The following IL19 variants were observed in gnomAD, a reference collection of about 807,000 sequenced individuals.
IL19 encodes interleukin-19.
IL19 carries 15 observed loss-of-function variants against 19.5 expected under a neutral mutation model. The ratio of observed to expected loss-of-function variants is 0.77; its 90% confidence interval spans 0.52 to 1.19. IL19 has a LOEUF of 1.19. IL19 is among the 50% of genes most tolerant of loss of function. IL19 has a pLI of 0.00. For missense variants in IL19, 199 were observed against 213.1 expected (o/e 0.93, Z 0.41); for synonymous variants, 78 against 78.3 (o/e 1.00, Z 0.02).
Position 206,783,845 on chromosome 1 carries a change from A to G in IL19, c.-149+12767A>G, listed in dbSNP as rs545004063. ...TGAGCCTCCCTGTGCGGCAGTATCT[A>G]TATACAATTGGAGATGATAATTGGT... On this transcript the variant is annotated intron_variant, in intron 1 of 6. Transcript: ENST00000659997. 2.0e-5 allele frequency among the ~76,000 whole-genome samples: 3 copies of G among 152,312 alleles called. No individual in the cohort carries two copies. The South Asian group carries it at 6.2e-4, about 32-fold the overall frequency.
chr1:206,822,741 C>T (rs1021963843), intron 2 of IL19, among the ~76,000 whole-genome samples: 2 of 152,086 alleles, frequency 1.3e-5, no homozygotes, highest in Non-Finnish European at 2.9e-5. Flanking sequence ...GTCTGTGGGG[C>T]CGGGAATATG....
At chr1:206,837,911 G>A (rs1298479366) in intron 4 of IL19, among the ~76,000 whole-genome samples, 1 of 152,150 alleles carries the variant, frequency 6.6e-6, no homozygotes, top group Non-Finnish European at 1.5e-5. Flanking sequence ...ATCCCTGGGA[G>A]GAATTAAAGA....
At chr1:206,776,165 A>G (rs1434258013) in intron 1 of IL19, among the ~76,000 whole-genome samples, 3 of 152,152 alleles carry the variant, frequency 2.0e-5, no homozygotes, top group African/African-American at 7.2e-5. Flanking sequence ...TGGCTTTTAA[A>G]AGAGGGGGTT....
chr1:206,799,171 G>T (rs544314065), intron 2 of IL19, among the ~76,000 whole-genome samples, 165 bp downstream of exon 2: 19 of 152,148 alleles, frequency 1.2e-4, no homozygotes, highest in Non-Finnish European at 2.1e-4. Flanking sequence ...CTGCTGGCCA[G>T]GTTTAGGGGA....
At chr1:206,779,709 T>C (rs1675086550) in intron 1 of IL19, among the ~76,000 whole-genome samples, 1 of 152,132 alleles carries the variant, frequency 6.6e-6, no homozygotes, top group Non-Finnish European at 1.5e-5. Flanking sequence ...TATTCTAATG[T>C]TTTCTATAAC....
rs1572551627 is a variant in IL19, at chr1:206,794,527, G to A, written c.-148-4334G>A. On this transcript the variant is annotated intron_variant, in intron 1 of 6. Coordinates refer to ENST00000659997, the MANE Select transcript of IL19 (RefSeq NM_153758.5). ...GAGCTCTTATACTATGGTTGGCCCC[G>A]GGTCCTCCTGTTGGGTCCTCCCTAC... Among the ~76,000 whole-genome samples, 3 of 152,208 alleles carry A rather than the reference G, an allele frequency of 2.0e-5. No homozygotes were observed. In the East Asian group the frequency reaches 5.8e-4, roughly 29 times the overall value.
intron 2 of IL19, among the ~76,000 whole-genome samples, chr1:206,808,262 C>T (rs1449950637): frequency 3.3e-5 from 5 of 152,198 alleles, no homozygotes; most frequent in South Asian, 2.1e-4. Context: ...ACCCTGAAGG[C>T]GGAGTTGCGG....
rs556920256 is a variant in IL19 at position 206,798,085 on chromosome 1, C to T, written c.-148-776C>T. 3.2e-4 allele frequency among the ~76,000 whole-genome samples: 49 copies of T among 152,292 alleles called. 1 individual carries two copies. The South Asian group carries it at 9.3e-3, about 29-fold the overall frequency. ...TGAAGGAGGAAGCATGGCACACCTG[C>T]TGTAGGTCATGGGGACAGATGACAT... On this transcript the variant is annotated intron_variant, in intron 1 of 6. Transcript: ENST00000659997.
intron 1 of IL19, among the ~76,000 whole-genome samples, chr1:206,794,484 C>T (rs1474224086): frequency 2.0e-5 from 3 of 152,284 alleles, no homozygotes; most frequent in East Asian, 3.9e-4. Context: ...TTCCAGCTCA[C>T]GTCGACACCC....
At chr1:206,826,646 G>A (rs1676440942) in intron 2 of IL19, among the ~76,000 whole-genome samples, 1 of 152,178 alleles carries the variant, frequency 6.6e-6, no homozygotes, top group Non-Finnish European at 1.5e-5. Context: ...CTGGCTCCCA[G>A]TACCCATGGG....
intron 2 of IL19, among the ~76,000 whole-genome samples, chr1:206,818,346 T>C (rs973910123): frequency 6.6e-6 from 1 of 152,220 alleles, no homozygotes; most frequent in African/African-American, 2.4e-5. Flanking sequence ...ATATAATGGC[T>C]ACTACTAAGC....
In IL19 at chr1:206,796,676, G is replaced by A. The variant is rs1675533663; in HGVS notation, c.-148-2185G>A. Among the ~76,000 whole-genome samples, 7 of 152,144 alleles carry A rather than the reference G, an allele frequency of 4.6e-5. No homozygotes were observed. In the South Asian group the frequency reaches 1.4e-3, roughly 32 times the overall value. ...TTCAGTACAGCATCATGCTGTACAGGTTTGTAGCCTAGGAGCAATAGGCCT... is the reference window on the plus strand; with the variant it reads ...TTCAGTACAGCATCATGCTGTACAGATTTGTAGCCTAGGAGCAATAGGCCT... On this transcript the variant is annotated intron_variant, in intron 1 of 6. Transcript: ENST00000659997.
At chr1:206,788,685 A>G (rs1180112040) in intron 1 of IL19, among the ~76,000 whole-genome samples, 1 of 152,176 alleles carries the variant, frequency 6.6e-6, no homozygotes, top group Admixed American at 6.5e-5. Flanking sequence ...GGACCAGATT[A>G]GTTGAGGCAG....
Position 206,841,110 on chromosome 1 carries a change from A to T in IL19, c.438+32A>T, listed in dbSNP as rs1677001580. 4 of 1,574,902 alleles carry T rather than the reference A, an allele frequency of 2.5e-6. No homozygotes were observed. In the East Asian group the frequency reaches 8.9e-5, roughly 35 times the overall value. ...TCTGGGAAGAGGTTGGGGAAGATGG[A>T]AGATGAGAGGTAGATCAGGAGGGTG... On this transcript the variant is annotated intron_variant, in intron 6 of 6. Coordinates refer to ENST00000659997, the MANE Select transcript of IL19 (RefSeq NM_153758.5).
intron 2 of IL19, chr1:206,834,105 A>G (rs1676703020): frequency 3.0e-6 from 3 of 985,538 alleles, no homozygotes; most frequent in Non-Finnish European, 3.6e-6. Flanking sequence ...AAAAATTCTC[A>G]TTTGCATGGA....
intron 2 of IL19, among the ~76,000 whole-genome samples, chr1:206,815,319 G>A (rs1157951415): frequency 6.6e-6 from 1 of 152,130 alleles, no homozygotes; most frequent in Non-Finnish European, 1.5e-5. Flanking sequence ...ACCCAGATTC[G>A]AGGGCAGGAG....
intron 2 of IL19, chr1:206,828,816 G>T (rs1176738250): frequency 6.6e-6 from 1 of 151,716 alleles, no homozygotes; most frequent in Non-Finnish European, 1.5e-5. Context: ...CTCTAATTTT[G>T]TATTTCTATT....
rs574527688 is a variant in IL19, at chr1:206,831,945, T to A, written c.-2-4716T>A. Among the ~76,000 whole-genome samples, 3 of 152,310 alleles carry A rather than the reference T, an allele frequency of 2.0e-5. No homozygotes were observed. The South Asian group carries it at 6.2e-4, about 32-fold the overall frequency. ...ATATAGCCTGAGCACAAGGGGTGAA[T>A]GTGGGGTGAGACTCAGCATGGACAG... On this transcript the variant is annotated intron_variant, in intron 2 of 6. Coordinates refer to ENST00000659997, the MANE Select transcript of IL19 (RefSeq NM_153758.5).
chr1:206,792,469 T>G (rs989147894), intron 1 of IL19, among the ~76,000 whole-genome samples: 6 of 152,132 alleles, frequency 3.9e-5, no homozygotes, highest in African/African-American at 1.4e-4. Context: ...CCGCCTTTTT[T>G]TTTCTGAGAT....
Sources: gnomAD v4.1 joint callset for allele counts (sites outside exome capture counted in the v4.1 genomes callset) on GRCh38, gnomAD v4.1.1 for gene constraint, MANE v1.5 for transcripts, NCBI Gene and HGNC (gene_info 2026-07-23, HGNC 2026-07-21) for gene names.